ADAMTS16: variants seen among roughly 807,000 people sequenced by gnomAD.
ADAMTS16 encodes the protein A disintegrin and metalloproteinase with thrombospondin motifs 16.
ADAMTS16 carries 94 observed loss-of-function variants against 145.8 expected under a neutral mutation model. That is an observed-to-expected ratio of 0.64 (90% CI 0.55 to 0.77). The LOEUF (loss-of-function observed/expected upper bound fraction) is 0.77, where lower values mean the gene tolerates loss of function less well. Ranked by LOEUF, ADAMTS16 falls within the 30% of genes least tolerant of loss-of-function variation. ADAMTS16 has a pLI of 0.00. For missense variants in ADAMTS16, 1,585 were observed against 1,591.5 expected, an observed-to-expected ratio of 1.00 and a Z score of 0.07; for synonymous variants, 659 against 604.3, an observed-to-expected ratio of 1.09 and a Z score of -1.33.
rs1738261281 is a variant in ADAMTS16, at chr5:5,266,968, G to A, written c.2789+4185G>A. Among the ~76,000 whole-genome samples, 3 of 152,178 alleles carry A rather than the reference G, an allele frequency of 2.0e-5. No individual in the cohort carries two copies. The South Asian group carries it at 6.2e-4, about 32-fold the overall frequency. On this transcript the variant is annotated intron_variant, in intron 18 of 22. Transcript: ENST00000274181. Reference sequence around the variant, plus strand: ...TTACCACCAACCATTATCCAAGAATGACATCCTCACCTCTTGTATTCACTT... The same window carrying A: ...TTACCACCAACCATTATCCAAGAATAACATCCTCACCTCTTGTATTCACTT...
intron 18 of ADAMTS16, among the ~76,000 whole-genome samples, chr5:5,299,024 G>C (rs74743338): frequency 1.3e-5 from 2 of 152,038 alleles, no homozygotes; most frequent in Non-Finnish European, 2.9e-5. Flanking sequence ...TGCGTCTCAC[G>C]GCATCCAGCA....
chr5:5,273,494 C>G (rs958883312), intron 18 of ADAMTS16, among the ~76,000 whole-genome samples: 3 of 152,146 alleles, frequency 2.0e-5, no homozygotes, highest in Non-Finnish European at 4.4e-5. Context: ...CCAGCCTGGG[C>G]CACAGAGTGA....
intron 3 of ADAMTS16, among the ~76,000 whole-genome samples, chr5:5,155,416 A>C (rs1734575704): frequency 6.6e-6 from 1 of 152,220 alleles, no homozygotes; most frequent in Non-Finnish European, 1.5e-5. Flanking sequence ...CACACAAATT[A>C]TTTGAAGAGA....
At chr5:5,264,398 A>G (rs1354916178) in intron 18 of ADAMTS16, among the ~76,000 whole-genome samples, 1 of 152,194 alleles carries the variant, frequency 6.6e-6, no homozygotes, top group Non-Finnish European at 1.5e-5. Flanking sequence ...TCAAAGACTT[A>G]ATACAAGATA....
intron 13 of ADAMTS16, among the ~76,000 whole-genome samples, chr5:5,236,021 A>C (rs549005736): frequency 6.6e-6 from 1 of 152,208 alleles, no homozygotes; most frequent in African/African-American, 2.4e-5. Flanking sequence ...AAATGTAGCC[A>C]GTATGATACA....
intron 4 of ADAMTS16, among the ~76,000 whole-genome samples, chr5:5,184,237 C>CG (rs1260815589): frequency 6.6e-6 from 1 of 151,210 alleles, no homozygotes; most frequent in Non-Finnish European, 1.5e-5. Flanking sequence ...GCACTGTCAC[C>CG]GATGCATGGA....
At chr5:5,196,358 A>G (rs1382245429) in intron 8 of ADAMTS16, among the ~76,000 whole-genome samples, 3 of 152,068 alleles carry the variant, frequency 2.0e-5, no homozygotes, top group Non-Finnish European at 1.5e-5. Context: ...TTTGATGATG[A>G]CATGTGCCTC....
chr5:5,186,614 G>T (rs1255030904), intron 5 of ADAMTS16, among the ~76,000 whole-genome samples: 1 of 152,112 alleles, frequency 6.6e-6, no homozygotes, highest in African/African-American at 2.4e-5. Flanking sequence ...TGTGATTTTA[G>T]ATGGCTCTAT....
chr5:5,291,652 AC>A (rs1296899262), intron 18 of ADAMTS16, among the ~76,000 whole-genome samples: 5 of 44,804 alleles, frequency 1.1e-4, no homozygotes, highest in African/African-American at 2.5e-4. Context: ...CGGCTTCCCC[AC>A]CCCCCCACCC....
At chr5:5,241,596 C>CA in intron 16 of ADAMTS16, among the ~76,000 whole-genome samples, 1 of 152,268 alleles carries the variant, frequency 6.6e-6, no homozygotes, top group Admixed American at 6.5e-5. Context: ...CTGATTTGCT[C>CA]AGATGCAGGG....
At chr5:5,238,011 C>T (rs1054344068) in intron 14 of ADAMTS16, among the ~76,000 whole-genome samples, 4 of 152,260 alleles carry the variant, frequency 2.6e-5, no homozygotes, top group South Asian at 4.1e-4. Flanking sequence ...TTCTAGTTCT[C>T]GCTTCCCCTA....
intron 3 of ADAMTS16, among the ~76,000 whole-genome samples, chr5:5,158,543 C>T (rs71596739): frequency 0.023 from 3,468 of 152,208 alleles, 44 homozygotes; most frequent in South Asian, 0.066. Context: ...CTCTGAGGCC[C>T]TGGGAGCATA....
chr5:5,297,896 G>C (rs1185747291), intron 18 of ADAMTS16, among the ~76,000 whole-genome samples: 4 of 152,230 alleles, frequency 2.6e-5, no homozygotes, highest in African/African-American at 7.2e-5. Context: ...CGGGCAAAGT[G>C]GTTTGACTTT....
chr5:5,205,722 G>T (rs545477047), intron 9 of ADAMTS16, among the ~76,000 whole-genome samples: 1 of 152,212 alleles, frequency 6.6e-6, no homozygotes, highest in African/African-American at 2.4e-5. Context: ...ATGCTTATTT[G>T]CCATCTATAT....
intron 18 of ADAMTS16, among the ~76,000 whole-genome samples, chr5:5,291,660 A>T (rs556625337): frequency 5.4e-5 from 2 of 36,876 alleles, no homozygotes; most frequent in African/African-American, 1.1e-4. Context: ...CCACCCCCCC[A>T]CCCCCACACC....
chr5:5,216,609 A>T (rs1253097960), intron 10 of ADAMTS16, among the ~76,000 whole-genome samples: 75 of 141,372 alleles, frequency 5.3e-4, no homozygotes, highest in East Asian at 8.2e-4. Flanking sequence ...TTTTTTTTCT[A>T]TTTTTTTTTA....
At chr5:5,180,110 T>C (rs1579292180) in intron 3 of ADAMTS16, among the ~76,000 whole-genome samples, 1 of 152,134 alleles carries the variant, frequency 6.6e-6, no homozygotes, top group South Asian at 2.1e-4. Flanking sequence ...GAGCGAACTC[T>C]CCCCGCAACT....
At chr5:5,216,757 TC>T (rs1275777937) in intron 10 of ADAMTS16, among the ~76,000 whole-genome samples, 1 of 67,084 alleles carries the variant, frequency 1.5e-5, no homozygotes. Context: ...CCCTCCCCCC[TC>T]CCCCCACCCC....
intron 10 of ADAMTS16, among the ~76,000 whole-genome samples, chr5:5,213,204 T>G (rs1579315082): frequency 6.6e-6 from 1 of 152,242 alleles, no homozygotes; most frequent in African/African-American, 2.4e-5. Flanking sequence ...CCATCTTTTA[T>G]ATTTATTGTT....
Sources: gnomAD v4.1 joint callset for allele counts (sites outside exome capture counted in the v4.1 genomes callset) on GRCh38, gnomAD v4.1.1 for gene constraint, MANE v1.5 for transcripts, NCBI Gene and HGNC (gene_info 2026-07-23, HGNC 2026-07-21) for gene names.